The following ERN1 variants were observed in gnomAD, a reference collection of about 807,000 sequenced individuals.
The protein encoded by ERN1 is serine/threonine-protein kinase/endoribonuclease IRE1.
In ERN1, 39 loss-of-function variants were observed where a neutral mutation model predicts 113.1. The ratio of observed to expected loss-of-function variants is 0.34; its 90% CI spans 0.27 to 0.45. The LOEUF (loss-of-function observed/expected upper bound fraction) is 0.45, where lower values mean the gene tolerates loss of function less well. ERN1 is among the 20% of genes least tolerant of loss of function. The probability of loss-of-function intolerance (pLI) is 1.00; values close to 1 mark genes in which losing one functional copy is unlikely to be tolerated. For missense variants in ERN1, 976 were observed against 1,274.8 expected (o/e 0.77, Z 3.57); for synonymous variants, 507 against 515.9 (o/e 0.98, Z 0.23).
chr17:64,045,789 A>G (rs953819729), intron 19 of ERN1, among the ~76,000 whole-genome samples: 36 of 152,164 alleles, frequency 2.4e-4, no homozygotes, highest in Admixed American at 1.4e-3. Context: ...ACGGAGCCGC[A>G]AGTGCAATCT....
rs1005241445 is a variant in ERN1, at chr17:64,079,655, T to C, written c.282+7A>G. 1 of 1,612,140 alleles carries C rather than the reference T, an allele frequency of 6.2e-7. No individual in the cohort carries two copies. The highest frequency in any genetic ancestry group is 8.5e-7 in the Non-Finnish European group (1 of 1,178,226). ...CTGGAGTACAAAAAGCAGCTAAATA[T>C]ACTCACCGTCAGGCCTTCATTATTC... On this transcript the variant is annotated splice_region_variant and intron_variant, in intron 4 of 21. Coordinates refer to ENST00000433197, the MANE Select transcript of ERN1 (RefSeq NM_001433.5).
At chr17:64,119,671 C>A (rs968613265) in intron 1 of ERN1, among the ~76,000 whole-genome samples, 2 of 151,210 alleles carry the variant, frequency 1.3e-5, no homozygotes, top group African/African-American at 4.9e-5. Context: ...GGATTACAGG[C>A]ATGAGCCACC....
chr17:64,049,222 G>A lies in ERN1; in HGVS notation c.2254-20C>T, dbSNP rs547268473. The A allele has an allele frequency of 3.9e-5, 60 of 1,558,350 alleles. No individual in the cohort carries two copies. The highest frequency in any genetic ancestry group is 3.0e-4 in the East Asian group (13 of 43,136). The stretch of plus-strand genomic sequence containing the variant: ...GTAGGTCTGAAAAGAGACATGAGGC[G>A]TGAGAGGTCTGGGAGCAGAGTTTTC... On this transcript the variant is annotated intron_variant, in intron 17 of 21. Transcript: ENST00000433197. This position sits in a 1 kb window ranked among gnomAD's most constrained non-coding sequence, Gnocchi z 4.7.
intron 5 of ERN1, 84 bp from the exon 6 acceptor site, chr17:64,072,187 T>C: frequency 1.4e-6 from 2 of 1,457,730 alleles, no homozygotes; most frequent in East Asian, 2.3e-5. Flanking sequence ...ATGCTCTGTA[T>C]TGAGAGAGAT....
At chr17:64,067,589 A>C (rs1913274605) in intron 7 of ERN1, among the ~76,000 whole-genome samples, 1 of 143,316 alleles carries the variant, frequency 7.0e-6, no homozygotes, top group African/African-American at 2.5e-5. Flanking sequence ...CCTGGGGAAC[A>C]GAGGGAGAAC....
intron 9 of ERN1, among the ~76,000 whole-genome samples, chr17:64,064,419 T>C (rs142272884): frequency 1.6e-3 from 238 of 151,442 alleles, no homozygotes; most frequent in African/African-American, 5.7e-3. Context: ...TCCAAGAAGC[T>C]ATTATGAGAA....
intron 2 of ERN1, among the ~76,000 whole-genome samples, chr17:64,083,496 C>T (rs377082701): frequency 9.2e-5 from 14 of 151,508 alleles, no homozygotes; most frequent in East Asian, 7.7e-4. Context: ...ATATGGGGCC[C>T]GATAAGAATA....
rs1914165298 is a variant in ERN1 at position 64,094,198 on chromosome 17, CTTTT to C, written c.175+3919_175+3922del. Reference sequence around the variant, plus strand: ...GTGTAAGGCAGGTAAGGCTGTACTTCTTTTGTTTGAAACACTACCAAGAACAGTT... The same window carrying C: ...GTGTAAGGCAGGTAAGGCTGTACTTCGTTTGAAACACTACCAAGAACAGTT... On this transcript the variant is annotated intron_variant, in intron 2 of 21. Transcript: ENST00000433197. Among the ~76,000 whole-genome samples, 4 of 152,308 alleles carry C rather than the reference CTTTT, an allele frequency of 2.6e-5. 1 individual carries two copies. In the South Asian group the frequency reaches 8.3e-4, roughly 32 times the overall value.
intron 4 of ERN1, among the ~76,000 whole-genome samples, chr17:64,077,182 T>C (rs915945400): frequency 2.0e-5 from 3 of 152,324 alleles, no homozygotes; most frequent in Admixed American, 1.3e-4. Context: ...GTCACAGGCA[T>C]TCACAAAATA....
At chr17:64,061,205 C>A (rs1175836825) in intron 10 of ERN1, among the ~76,000 whole-genome samples, 1 of 152,222 alleles carries the variant, frequency 6.6e-6, no homozygotes, top group Admixed American at 6.5e-5. Flanking sequence ...TATTGAGCAT[C>A]TATTGTGTGC....
intron 1 of ERN1, among the ~76,000 whole-genome samples, chr17:64,099,444 T>A (rs1210632143): frequency 5.3e-5 from 8 of 152,094 alleles, no homozygotes; most frequent in Admixed American, 5.2e-4. Context: ...TAGGGGTCCC[T>A]TCAGCAACCC....
intron 1 of ERN1, chr17:64,102,876 T>C (rs1302484348): frequency 3.0e-6 from 3 of 985,068 alleles, no homozygotes; most frequent in Non-Finnish European, 3.6e-6. Flanking sequence ...TTTGATTCAG[T>C]TTTAAAACTA....
chr17:64,108,007 G>T (rs1287088773), intron 1 of ERN1, among the ~76,000 whole-genome samples: 1 of 152,146 alleles, frequency 6.6e-6, no homozygotes, highest in East Asian at 1.9e-4. Context: ...CTTTGGATGG[G>T]AGTCAAGTGT....
intron 2 of ERN1, among the ~76,000 whole-genome samples, chr17:64,088,145 G>A (rs907894104): frequency 6.6e-6 from 1 of 152,148 alleles, no homozygotes; most frequent in Admixed American, 6.5e-5. Context: ...GGAGCTCAAG[G>A]AGCCTTGCAA....
chr17:64,069,019 G>A (rs542778543), intron 6 of ERN1, among the ~76,000 whole-genome samples: 56 of 152,272 alleles, frequency 3.7e-4, no homozygotes, highest in Middle Eastern at 3.4e-3. Context: ...ACTGAATATC[G>A]CTGGAAAAGA....
At chr17:64,128,757 A>G (rs1259902101) in intron 1 of ERN1, 1 of 152,112 alleles carries the variant, frequency 6.6e-6, no homozygotes, top group Non-Finnish European at 1.5e-5. Flanking sequence ...AAGTTCTATT[A>G]TAAAGAGTCT....
At chr17:64,070,203 C>A (rs1859716712) in intron 6 of ERN1, among the ~76,000 whole-genome samples, 1 of 152,148 alleles carries the variant, frequency 6.6e-6, no homozygotes, top group Admixed American at 6.5e-5. Flanking sequence ...CGGAACTGAA[C>A]TGAAGTCTCA....
chr17:64,088,094 T>C (rs1913985687), intron 2 of ERN1, among the ~76,000 whole-genome samples: 1 of 152,216 alleles, frequency 6.6e-6, no homozygotes, highest in African/African-American at 2.4e-5. Context: ...GTAAGATCCC[T>C]TTGATTACAG....
Position 64,067,000 on chromosome 17 carries a change from G to A in ERN1, c.581-68C>T. ...TCTTGCAACCACATCCTCTACTCTTGTGGCAGGCTCTAGTCACTCAGTTAG... is the reference window on the plus strand; with the variant it reads ...TCTTGCAACCACATCCTCTACTCTTATGGCAGGCTCTAGTCACTCAGTTAG... On this transcript the variant is annotated intron_variant, in intron 7 of 21. Coordinates refer to ENST00000433197, the MANE Select transcript of ERN1 (RefSeq NM_001433.5). 1.9e-6 allele frequency: 3 copies of A among 1,547,238 alleles called. No individual in the cohort carries two copies. In the South Asian group the frequency reaches 3.5e-5, roughly 18 times the overall value.
Sources: allele counts gnomAD v4.1 joint callset (sites outside exome capture counted in the v4.1 genomes callset), GRCh38; gene constraint gnomAD v4.1.1; non-coding constraint Gnocchi (gnomAD v3.1); transcripts MANE v1.5; gene names NCBI Gene and HGNC (gene_info 2026-07-23, HGNC 2026-07-21).